Variants in EHMT1 observed in about 807,000 individuals in gnomAD.
EHMT1 encodes the protein histone-lysine N-methyltransferase EHMT1.
In EHMT1, 15 loss-of-function variants were observed where a neutral mutation model predicts 147.2. That is an observed-to-expected ratio of 0.10 (90% CI 0.07 to 0.16). The LOEUF is 0.16. EHMT1 is among the 10% of genes least tolerant of loss of function. The pLI is 1.00. For missense variants in EHMT1, 1,587 were observed against 1,772.4 expected, an observed-to-expected ratio of 0.90 and a Z score of 1.88; for synonymous variants, 795 against 709.6, an observed-to-expected ratio of 1.12 and a Z score of -1.91.
chr9:137,635,925 A>T lies in EHMT1; in HGVS notation c.21+16876A>T, dbSNP rs547485868. On this transcript the variant is annotated intron_variant, in intron 1 of 26. Transcript: ENST00000460843. ...GCTTTTATAAATAGAATTAAAAAAAATTTTTTTTTTTTGAGATGGGGAGTC... is the reference window on the plus strand; with the variant it reads ...GCTTTTATAAATAGAATTAAAAAAATTTTTTTTTTTTTGAGATGGGGAGTC... Among the ~76,000 whole-genome samples the T allele has an allele frequency of 1.2e-3, 185 of 148,158 alleles. 2 individuals carry two copies. The highest frequency in any genetic ancestry group is 0.01 in the East Asian group (53 of 5,060).
At position 137,834,766 on chromosome 9, in the gene EHMT1, T is replaced by A. The variant is rs1424132154; in HGVS notation, c.3717-7T>A. ...GACTTGGAGCCTTGGTTCTGTTCCC[T>A]CCCCAGGTTTGACTATGGAGAGCGC... On this transcript the variant is annotated splice_polypyrimidine_tract_variant and splice_region_variant and intron_variant, in intron 26 of 26. Transcript: ENST00000460843. 3.7e-6 allele frequency: 6 copies of A among 1,613,312 alleles called. No homozygotes were observed. Among genetic ancestry groups the A allele is most frequent in the Non-Finnish European group, 5.1e-6 (6 of 1,179,754 alleles).
At chr9:137,619,946 A>T (rs774558734) in intron 1 of EHMT1, 3 of 152,158 alleles carry the variant, frequency 2.0e-5, no homozygotes, top group Non-Finnish European at 4.4e-5. Flanking sequence ...GTCAGCGTAG[A>T]AGTATTTCTT....
In EHMT1 at chr9:137,817,505, A is replaced by C. The variant is rs774848886; in HGVS notation, c.3441A>C (p.Pro1147=). 2 of 1,614,148 alleles carry C rather than the reference A, an allele frequency of 1.2e-6. No individual in the cohort carries two copies. Among genetic ancestry groups the C allele is most frequent in the Non-Finnish European group, 1.7e-6 (2 of 1,180,016 alleles). ...GWGVRSLQDI[P]PGTFVCEYVG... ...GCGTGCGGTCCCTGCAGGACATCCCACCAGGCACCTTTGTCTGCGAGTGAG... is the reference window on the plus strand; with the variant it reads ...GCGTGCGGTCCCTGCAGGACATCCCCCCAGGCACCTTTGTCTGCGAGTGAG... The change falls in exon 24 of 27, where the codon CCA becomes CCC. Residue 1147 remains proline, a synonymous_variant. Transcript: ENST00000460843.
chr9:137,665,726 C>T (rs1440864122), intron 1 of EHMT1, among the ~76,000 whole-genome samples: 4 of 152,140 alleles, frequency 2.6e-5, no homozygotes, highest in Non-Finnish European at 5.9e-5. Context: ...GGACCCTTCA[C>T]GTTTTAGGGT....
intron 1 of EHMT1, among the ~76,000 whole-genome samples, chr9:137,651,908 T>C (rs1234317005): frequency 1.3e-5 from 2 of 152,244 alleles, no homozygotes; most frequent in African/African-American, 4.8e-5. Context: ...CCTACTCTGC[T>C]ATCAGTTGTC....
At chr9:137,816,276 G>T in intron 23 of EHMT1, 1 of 613,306 alleles carries the variant, frequency 1.6e-6, no homozygotes, top group Non-Finnish European at 3.0e-6. Flanking sequence ...ACAGACTTCG[G>T]CATGAGAGAA....
At position 137,834,340 on chromosome 9, in the gene EHMT1, G is replaced by A. The variant is rs941444630; in HGVS notation, c.3541-9G>A. 1 of 1,607,554 alleles carries A rather than the reference G, an allele frequency of 6.2e-7. No homozygotes were observed. Among genetic ancestry groups the A allele is most frequent in the South Asian group, 1.1e-5 (1 of 90,922 alleles). ...TAACTGCAGCCCGTGCCGGCTTCTC[G>A]CCCTGCAGGACGGGGAGGTTTACTG... On this transcript the variant is annotated splice_polypyrimidine_tract_variant and intron_variant, in intron 25 of 26. Coordinates refer to ENST00000460843, the MANE Select transcript of EHMT1 (RefSeq NM_024757.5).
chr9:137,791,033 C>G, intron 16 of EHMT1, 63 bp downstream of exon 16: 1 of 1,613,450 alleles, frequency 6.2e-7, no homozygotes, highest in East Asian at 2.2e-5. Context: ...GAAAGCTGAG[C>G]AAGGGACATC....
Position 137,743,187 on chromosome 9 carries a change from T to C in EHMT1, c.824-184T>C, listed in dbSNP as rs1458729959. 7 of 634,450 alleles carry C rather than the reference T, an allele frequency of 1.1e-5. No individual in the cohort carries two copies. In the Admixed American group the frequency reaches 1.2e-4, roughly 11 times the overall value. The allele number at this position is 634,450 out of a possible 1,614,324, so 39.3% of individuals were successfully genotyped here. On this transcript the variant is annotated intron_variant, in intron 4 of 26. Transcript: ENST00000460843. ...GGACGTGTTTCTGATTCTCTGTGAA[T>C]TGATCGTGAGGGAAGGATGCCTGTC... is the stretch of plus-strand genomic sequence containing the variant.
intron 1 of EHMT1, among the ~76,000 whole-genome samples, chr9:137,621,327 A>T (rs963048550): frequency 1.3e-5 from 2 of 152,198 alleles, no homozygotes; most frequent in Non-Finnish European, 2.9e-5. Context: ...GATTAAAGTA[A>T]TAAAGCTGAC....
At chr9:137,818,176 G>C (rs1276740954) in intron 25 of EHMT1, 38 bp downstream of exon 25, 1 of 1,605,794 alleles carries the variant, frequency 6.2e-7, no homozygotes, top group Non-Finnish European at 8.5e-7. Context: ...CGCAGAACTT[G>C]TGAACTGTAA....
chr9:137,762,640 A>G, intron 9 of EHMT1, 35 bp from the exon 10 acceptor site: 2 of 1,614,038 alleles, frequency 1.2e-6, no homozygotes, highest in Non-Finnish European at 1.7e-6. Context: ...TGAGGTCAGG[A>G]TTGCATGAGC....
intron 9 of EHMT1, among the ~76,000 whole-genome samples, chr9:137,761,649 G>A (rs958282245): frequency 6.6e-6 from 1 of 152,028 alleles, no homozygotes. Flanking sequence ...AGTAGAGACG[G>A]GGTTTCACCA....
intron 6 of EHMT1, among the ~76,000 whole-genome samples, chr9:137,751,651 A>C (rs1948978066): frequency 6.6e-6 from 1 of 152,242 alleles, no homozygotes; most frequent in Admixed American, 6.5e-5. Flanking sequence ...AGAAAAGATA[A>C]ATACAGCAGA....
At chr9:137,645,578 A>C (rs1373546464) in intron 1 of EHMT1, among the ~76,000 whole-genome samples, 1 of 152,206 alleles carries the variant, frequency 6.6e-6, no homozygotes, top group East Asian at 1.9e-4. Flanking sequence ...GTGTGATAGA[A>C]GCAGCGAAGA....
chr9:137,795,401 G>GCACACACACACACACACACACACA lies in EHMT1; in HGVS notation c.2506-3408_2506-3385dup, dbSNP rs554055210. Among the ~76,000 whole-genome samples, 336 of 130,258 alleles carry GCACACACACACACACACACACACA rather than the reference G, an allele frequency of 2.6e-3. 3 individuals carry two copies. Among genetic ancestry groups the GCACACACACACACACACACACACA allele is most frequent in the East Asian group, 9.1e-3 (40 of 4,374 alleles). 85.5% of individuals were successfully genotyped at this position (130,258 alleles called of 152,430 possible). A position where few individuals can be genotyped will look rare whatever the true frequency, so the allele number is the denominator to read the frequency against. ...CCAGGACACCATCCTATCGCAGGGT[G>GCACACACACACACACACACACACA]CACACACACACACACACACACACAC... On this transcript the variant is annotated intron_variant, in intron 16 of 26. Coordinates refer to ENST00000460843, the MANE Select transcript of EHMT1 (RefSeq NM_024757.5).
chr9:137,811,906 A>T (rs1263409157), intron 19 of EHMT1, among the ~76,000 whole-genome samples: 2 of 152,208 alleles, frequency 1.3e-5, no homozygotes, highest in Admixed American at 1.3e-4. Context: ...CAGCATGGGA[A>T]CAGCCCTGCT....
At chr9:137,637,376 T>C (rs1844162703) in intron 1 of EHMT1, 2 of 152,332 alleles carry the variant, frequency 1.3e-5, no homozygotes, top group Non-Finnish European at 2.9e-5. Flanking sequence ...GATTTTGCCA[T>C]GTTGGCCAGG....
intron 1 of EHMT1, among the ~76,000 whole-genome samples, chr9:137,653,344 A>C (rs1008153061): frequency 6.6e-6 from 1 of 152,174 alleles, no homozygotes; most frequent in East Asian, 1.9e-4. Flanking sequence ...GCTCTACCCC[A>C]TAGCCTCGGT....
Sources: allele counts gnomAD v4.1 joint callset (sites outside exome capture counted in the v4.1 genomes callset), GRCh38; gene constraint gnomAD v4.1.1; transcripts MANE v1.5; gene names NCBI Gene and HGNC (gene_info 2026-07-23, HGNC 2026-07-21).